TCF7L2: variants seen among roughly 807,000 people sequenced by gnomAD.
The protein encoded by TCF7L2 is transcription factor 7-like 2.
Under a neutral mutation model 77.9 loss-of-function variants are expected in TCF7L2, and 23 were observed. That is an observed-to-expected ratio of 0.30 (90% CI 0.21 to 0.42). TCF7L2 has a LOEUF of 0.42. Among genes scored for constraint, TCF7L2 ranks in the 10% least tolerant of loss-of-function variants. The pLI, the probability that TCF7L2 is intolerant of heterozygous loss-of-function variation, is 1.00. For synonymous variants in TCF7L2, 413 were observed against 340.2 expected (o/e 1.21, Z -2.36); for missense variants, 654 against 793.1 (o/e 0.82, Z 2.11).
intron 4 of TCF7L2, among the ~76,000 whole-genome samples, chr10:113,025,624 G>A (rs2049015161): frequency 6.6e-6 from 1 of 152,098 alleles, no homozygotes; most frequent in Non-Finnish European, 1.5e-5. Context: ...CAAGCAATCT[G>A]CCCACCTTGG....
chr10:113,159,419 TTC>T (rs1260389721), intron 12 of TCF7L2, among the ~76,000 whole-genome samples: 1 of 152,186 alleles, frequency 6.6e-6, no homozygotes, highest in East Asian at 1.9e-4. Flanking sequence ...TTTCGTTTTG[TTC>T]TGTTTTTATT....
At chr10:112,977,999 A>G (rs575578437) in intron 4 of TCF7L2, among the ~76,000 whole-genome samples, 1 of 152,292 alleles carries the variant, frequency 6.6e-6, no homozygotes, top group Admixed American at 6.5e-5. Flanking sequence ...CCCTTTCTCT[A>G]TTTCTAAACC....
At chr10:113,019,206 C>G (rs1283655757) in intron 4 of TCF7L2, among the ~76,000 whole-genome samples, 1 of 152,204 alleles carries the variant, frequency 6.6e-6, no homozygotes, top group Admixed American at 6.5e-5. Flanking sequence ...GTTGGACACA[C>G]CATGGTGACA....
In TCF7L2 at chr10:113,146,055, A is replaced by T. The variant is rs2136990030; in HGVS notation, c.833A>T (p.His278Leu). ...CCAATCACGACAGGAGGATTCAGAC[A>T]CCCCTACCCCACAGCTCTGACCGTC... Residue 278 changes from histidine (H) to leucine (L), a missense_variant, in exon 8 of 14, where the codon CAC (histidine) becomes CTC (leucine). His to Leu is a moderately conservative substitution (Grantham distance 99). Transcript: ENST00000627217. 6.2e-7 allele frequency: 1 copy of T among 1,612,200 alleles called. No individual in the cohort carries two copies. The highest frequency in any genetic ancestry group is 8.5e-7 in the Non-Finnish European group (1 of 1,179,798).
intron 13 of TCF7L2, among the ~76,000 whole-genome samples, chr10:113,163,807 G>A (rs1264887441): frequency 1.3e-5 from 2 of 152,130 alleles, no homozygotes; most frequent in African/African-American, 4.8e-5. Flanking sequence ...AGGGAGGACT[G>A]AGCATGCTCC....
At chr10:113,080,814 A>G (rs2059250310) in intron 5 of TCF7L2, among the ~76,000 whole-genome samples, 1 of 152,110 alleles carries the variant, frequency 6.6e-6, no homozygotes, top group Non-Finnish European at 1.5e-5. Flanking sequence ...CATCATGAAG[A>G]CCCTCTGGAG....
At chr10:113,059,520 C>T (rs982579797) in intron 5 of TCF7L2, among the ~76,000 whole-genome samples, 2 of 151,886 alleles carry the variant, frequency 1.3e-5, no homozygotes, top group Non-Finnish European at 2.9e-5. Context: ...AAACAGACAC[C>T]GAAGCTTTAA....
At chr10:113,092,150 T>A (rs150756118) in intron 5 of TCF7L2, among the ~76,000 whole-genome samples, 1 of 152,224 alleles carries the variant, frequency 6.6e-6, no homozygotes, top group Non-Finnish European at 1.5e-5. Flanking sequence ...ACTCAAGGTC[T>A]ACAGGAGCTG....
chr10:113,164,278 G>C (rs1309189537), intron 13 of TCF7L2, among the ~76,000 whole-genome samples: 2 of 152,218 alleles, frequency 1.3e-5, no homozygotes, highest in Non-Finnish European at 2.9e-5. Flanking sequence ...TGCTAAGCAA[G>C]AAGGGCTCTG....
At position 113,167,422 on chromosome 10, in the gene TCF7L2, T is replaced by G. The variant is rs2074085724; in HGVS notation, c.*1450T>G. ...CTGAAACCTGTTCATTCAGTGCCAT[T>G]GTAGTTGACATGAAGCGATTGTAAA... On this transcript the variant is annotated 3_prime_UTR_variant, in exon 14 of 14. Transcript: ENST00000627217. The G allele has an allele frequency of 4.4e-6, 1 of 225,394 alleles. No homozygotes were observed. The highest frequency in any genetic ancestry group is 2.2e-5 in the African/African-American group (1 of 44,872). 14.0% of individuals were successfully genotyped at this position (225,394 alleles called of 1,614,324 possible). A position where few individuals can be genotyped will look rare whatever the true frequency, so the allele number is the denominator to read the frequency against.
rs1477111078 is a variant in TCF7L2 at position 112,991,648 on chromosome 10, T to A, written c.450+27024T>A. Reference sequence around the variant, plus strand: ...GGGACAGCCAGCTCTCTTTAGATGGTCCCCACCATCTAGTCAGGGCTTGTT... The same window carrying A: ...GGGACAGCCAGCTCTCTTTAGATGGACCCCACCATCTAGTCAGGGCTTGTT... On this transcript the variant is annotated intron_variant, in intron 4 of 13. Transcript: ENST00000627217. Among the ~76,000 whole-genome samples the A allele has an allele frequency of 2.6e-5, 4 of 152,056 alleles. No homozygotes were observed. In the East Asian group the frequency reaches 5.8e-4, roughly 22 times the overall value.
chr10:112,956,904 T>C (rs908415038), intron 3 of TCF7L2, among the ~76,000 whole-genome samples: 1 of 152,110 alleles, frequency 6.6e-6, no homozygotes, highest in Non-Finnish European at 1.5e-5. Flanking sequence ...GGTGGTGGTA[T>C]CCTAATGCAA....
At chr10:112,972,285 A>T (rs1453618339) in intron 4 of TCF7L2, among the ~76,000 whole-genome samples, 1 of 152,118 alleles carries the variant, frequency 6.6e-6, no homozygotes, top group Non-Finnish European at 1.5e-5. Context: ...TTATTTTCCC[A>T]TTCTTATGTG....
Position 113,165,639 on chromosome 10 carries a change from G to T in TCF7L2, c.1476G>T (p.Ser492=), listed in dbSNP as rs760999129. 1 of 1,612,754 alleles carries T rather than the reference G, an allele frequency of 6.2e-7. No individual in the cohort carries two copies. The highest frequency in any genetic ancestry group is 8.5e-7 in the Non-Finnish European group (1 of 1,179,454). ...CTTCAGATGGAAGCTTACTAGATTCGCCTCCCCCCTCCCCGAACCTGCTAG... is the reference window on the plus strand; with the variant it reads ...CTTCAGATGGAAGCTTACTAGATTCTCCTCCCCCCTCCCCGAACCTGCTAG... The change falls in exon 14 of 14, where the codon TCG becomes TCT. Residue 492 remains serine, a synonymous_variant. Coordinates refer to ENST00000627217, the MANE Select transcript of TCF7L2 (RefSeq NM_001146274.2).
Position 113,165,684 on chromosome 10 carries a change from C to A in TCF7L2, c.1521C>A (p.Ala507=), listed in dbSNP as rs2074001612. The stretch of plus-strand genomic sequence containing the variant: ...TGCTAGGCTCCCCTCCCCGAGACGC[C>A]AAGTCACAGACTGAGCAGACCCAGC... Residue 507 remains alanine (A), a synonymous_variant, in exon 14 of 14, where the codon GCC becomes GCA. Transcript: ENST00000627217. 2 of 1,611,416 alleles carry A rather than the reference C, an allele frequency of 1.2e-6. No individual in the cohort carries two copies. The highest frequency in any genetic ancestry group is 1.7e-6 in the Non-Finnish European group (2 of 1,178,888).
Position 113,152,322 on chromosome 10 carries a change from G to A in TCF7L2, c.1162-11G>A, listed in dbSNP as rs148854760. On this transcript the variant is annotated splice_polypyrimidine_tract_variant and intron_variant, in intron 10 of 13. Transcript: ENST00000627217. Reference sequence around the variant, plus strand: ...CATGTCTTTCTCATCTGTACCCCACGTCCCCTCCAGTGGCATGCACTGTCC... The same window carrying A: ...CATGTCTTTCTCATCTGTACCCCACATCCCCTCCAGTGGCATGCACTGTCC... 6.6e-4 allele frequency: 1,064 copies of A among 1,609,334 alleles called. 6 individuals carry two copies. In the African/African-American group the frequency reaches 0.012, roughly 18 times the overall value.
Position 113,166,068 on chromosome 10 carries a change from T to C in TCF7L2, c.*96T>C. On this transcript the variant is annotated 3_prime_UTR_variant, in exon 14 of 14. Transcript: ENST00000627217. ...CACCTTGAAAGGTTTTGTTTTGTAC[T>C]CTCTTAATTTTGTGCCATGTGGCTA... is the stretch of plus-strand genomic sequence containing the variant. 2 of 1,221,324 alleles carry C rather than the reference T, an allele frequency of 1.6e-6. No individual in the cohort carries two copies. The highest frequency in any genetic ancestry group is 2.2e-6 in the Non-Finnish European group (2 of 928,506). The allele number at this position is 1,221,324 out of a possible 1,614,324, so 75.7% of individuals were successfully genotyped here.
At chr10:113,076,135 C>CAAAA (rs34089010) in intron 5 of TCF7L2, among the ~76,000 whole-genome samples, 10 of 65,924 alleles carry the variant, frequency 1.5e-4, no homozygotes, top group Admixed American at 3.9e-4. Flanking sequence ...GACTCCATCT[C>CAAAA]AAAAAAAAAA....
chr10:113,081,550 T>C lies in TCF7L2; in HGVS notation c.552+41424T>C, dbSNP rs534595596. Among the ~76,000 whole-genome samples, 59 of 152,348 alleles carry C rather than the reference T, an allele frequency of 3.9e-4. No homozygotes were observed. In the South Asian group the frequency reaches 0.012, roughly 30 times the overall value. On this transcript the variant is annotated intron_variant, in intron 5 of 13. Coordinates refer to ENST00000627217, the MANE Select transcript of TCF7L2 (RefSeq NM_001146274.2). ...ACTCCTGTTCTCTCAAAGTCATTGA[T>C]GAGCATGGTTTTTCATGCTTGCTCG...
Sources: gnomAD v4.1 joint callset for allele counts (sites outside exome capture counted in the v4.1 genomes callset) on GRCh38, gnomAD v4.1.1 for gene constraint, MANE v1.5 for transcripts, NCBI Gene and HGNC (gene_info 2026-07-23, HGNC 2026-07-21) for gene names.